Variants in PDE4D observed in about 807,000 individuals in gnomAD.
PDE4D encodes 3',5'-cyclic-AMP phosphodiesterase 4D.
In PDE4D, 24 loss-of-function variants were observed where a neutral mutation model predicts 87.4. That is an observed-to-expected ratio of 0.27 (90% CI 0.20 to 0.39). The LOEUF is 0.39. Among genes scored for constraint, PDE4D ranks in the 10% least tolerant of loss-of-function variants. PDE4D has a pLI of 1.00. For synonymous variants in PDE4D, 384 were observed against 383.2 expected (o/e 1.00, Z -0.02); for missense variants, 714 against 1,041.0 (o/e 0.69, Z 4.32).
chr5:59,961,505 A>C (rs1379946279), intron 3 of PDE4D, among the ~76,000 whole-genome samples: 1 of 152,096 alleles, frequency 6.6e-6, no homozygotes, highest in East Asian at 1.9e-4. Context: ...TTCTCTCTGC[A>C]ACTCAGAGAG....
intron 1 of PDE4D, among the ~76,000 whole-genome samples, chr5:59,552,801 A>C (rs954754329): frequency 1.3e-5 from 2 of 152,198 alleles, no homozygotes; most frequent in African/African-American, 4.8e-5. Flanking sequence ...CATGAGCATG[A>C]ATCTTTTAAC....
intron 1 of PDE4D, among the ~76,000 whole-genome samples, chr5:59,840,712 G>A (rs976621382): frequency 7.2e-5 from 11 of 152,152 alleles, no homozygotes; most frequent in African/African-American, 2.2e-4. Context: ...ATCTGGGCAC[G>A]TACTGTTCAG....
At position 60,428,109 on chromosome 5, in the gene PDE4D, C is replaced by T. The variant is rs542368651; in HGVS notation, c.-90+59833G>A. Among the ~76,000 whole-genome samples the T allele has an allele frequency of 6.6e-5, 10 of 152,030 alleles. No individual in the cohort carries two copies. In the South Asian group the frequency reaches 1.9e-3, roughly 28 times the overall value. The stretch of plus-strand genomic sequence containing the variant: ...AAAGAAAATAAAAGAAAGAGGATGA[C>T]TAAATTGAAATAAAATGTTGTAAGT... On this transcript the variant is annotated intron_variant, in intron 1 of 16. Transcript: ENST00000502484.
intron 1 of PDE4D, among the ~76,000 whole-genome samples, chr5:59,637,879 G>A (rs1228666660): frequency 1.3e-5 from 2 of 152,140 alleles, no homozygotes; most frequent in Non-Finnish European, 2.9e-5. Context: ...ATTTAATATG[G>A]ACTATAATAA....
chr5:59,242,175 G>A lies in PDE4D; in HGVS notation c.456-26207C>T, dbSNP rs79708832. Among the ~76,000 whole-genome samples the A allele has an allele frequency of 6.0e-3, 921 of 152,246 alleles. 15 individuals are homozygous for A. The highest frequency in any genetic ancestry group is 0.019 in the African/African-American group (807 of 41,548). On this transcript the variant is annotated intron_variant, in intron 1 of 14. Transcript: ENST00000340635. Reference sequence around the variant, plus strand: ...AGAAGCTGACATTGGAGGATCACTTGAGCCCAGGAGTTTGAGTCTGTAGTG... The same window carrying A: ...AGAAGCTGACATTGGAGGATCACTTAAGCCCAGGAGTTTGAGTCTGTAGTG...
At chr5:60,323,442 T>G (rs2149846307) in intron 1 of PDE4D, among the ~76,000 whole-genome samples, 1 of 152,238 alleles carries the variant, frequency 6.6e-6, no homozygotes, top group Non-Finnish European at 1.5e-5. Flanking sequence ...ATTTCTTCCC[T>G]TACCTCCCAA....
chr5:60,054,091 T>A (rs1306626699), intron 2 of PDE4D, among the ~76,000 whole-genome samples: 4 of 152,048 alleles, frequency 2.6e-5, no homozygotes, highest in African/African-American at 9.7e-5. Flanking sequence ...TTGGTGGGAG[T>A]GTAAATTAGT....
intron 1 of PDE4D, among the ~76,000 whole-genome samples, chr5:60,454,360 T>C (rs552174344): frequency 6.6e-6 from 1 of 152,298 alleles, no homozygotes; most frequent in Admixed American, 6.5e-5. Flanking sequence ...GTATGTTTAT[T>C]GCAGCACTAT....
chr5:60,313,639 A>C (rs1271098303), intron 1 of PDE4D, among the ~76,000 whole-genome samples: 4 of 152,228 alleles, frequency 2.6e-5, no homozygotes. Flanking sequence ...AAGGAAAGAA[A>C]ACATCAGGCC....
At chr5:59,846,287 A>AGTT (rs1424227539) in intron 1 of PDE4D, among the ~76,000 whole-genome samples, 4 of 152,084 alleles carry the variant, frequency 2.6e-5, no homozygotes, top group African/African-American at 9.7e-5. Context: ...TGGACTGATG[A>AGTT]GTTAGAATTA....
intron 3 of PDE4D, among the ~76,000 whole-genome samples, chr5:59,926,876 A>G (rs1435765817): frequency 1.3e-5 from 2 of 152,178 alleles, no homozygotes; most frequent in African/African-American, 4.8e-5. Context: ...CAAAGTAATA[A>G]TAAACAGTCT....
At chr5:59,788,776 T>C (rs895314285) in intron 1 of PDE4D, among the ~76,000 whole-genome samples, 1 of 152,230 alleles carries the variant, frequency 6.6e-6, no homozygotes, top group Non-Finnish European at 1.5e-5. Flanking sequence ...TAAATTATTA[T>C]AGTTAATGTA....
chr5:60,349,671 A>G (rs1338504030), intron 1 of PDE4D, among the ~76,000 whole-genome samples: 1 of 152,206 alleles, frequency 6.6e-6, no homozygotes, highest in Non-Finnish European at 1.5e-5. Context: ...CAAATGATGA[A>G]AGCAGAGTTT....
intron 1 of PDE4D, among the ~76,000 whole-genome samples, chr5:60,322,402 AC>A (rs61243527): frequency 5.1e-4 from 72 of 142,524 alleles, no homozygotes; most frequent in Non-Finnish European, 8.7e-4. Flanking sequence ...ACACACACAC[AC>A]ACACACACAC....
intron 1 of PDE4D, among the ~76,000 whole-genome samples, chr5:59,604,843 A>T (rs1461744787): frequency 6.6e-6 from 1 of 152,072 alleles, no homozygotes; most frequent in African/African-American, 2.4e-5. Flanking sequence ...ATTTTGGAGT[A>T]CAATTTAGCA....
chr5:59,297,605 T>C, intron 1 of PDE4D, among the ~76,000 whole-genome samples: 1 of 152,140 alleles, frequency 6.6e-6, no homozygotes, highest in Non-Finnish European at 1.5e-5. Flanking sequence ...AAAGTAAAGT[T>C]TCAGTGAGTG....
chr5:60,136,119 A>G (rs1296437658), intron 2 of PDE4D, among the ~76,000 whole-genome samples: 1 of 152,156 alleles, frequency 6.6e-6, no homozygotes, highest in Non-Finnish European at 1.5e-5. Context: ...CTTTCCCTCA[A>G]GAAAGATTCA....
At chr5:59,486,334 C>T (rs1318914190) in intron 1 of PDE4D, among the ~76,000 whole-genome samples, 2 of 152,114 alleles carry the variant, frequency 1.3e-5, no homozygotes, top group Non-Finnish European at 2.9e-5. Flanking sequence ...CCACAATAGA[C>T]TTCCCATGGT....
chr5:60,283,150 T>C (rs1752100270), intron 1 of PDE4D, among the ~76,000 whole-genome samples: 1 of 152,130 alleles, frequency 6.6e-6, no homozygotes, highest in African/African-American at 2.4e-5. Context: ...TATATTACCA[T>C]GTTTTCTAAT....
Sources: gnomAD v4.1 joint callset for allele counts (sites outside exome capture counted in the v4.1 genomes callset) on GRCh38, gnomAD v4.1.1 for gene constraint, MANE v1.5 for transcripts, NCBI Gene and HGNC (gene_info 2026-07-23, HGNC 2026-07-21) for gene names.